Variants in MESD observed in about 807,000 individuals in gnomAD.
The protein encoded by MESD is mesoderm development LRP chaperone.
A neutral mutation model predicts 12.9 loss-of-function variants in MESD; 7 were observed. The observed-to-expected ratio is 0.54, with a 90% CI of 0.31 to 1.02. The LOEUF is 1.02. MESD is among the 50% of genes least tolerant of loss of function. The pLI is 0.05. For synonymous variants in MESD, 126 were observed against 115.6 expected, an observed-to-expected ratio of 1.09 and a Z score of -0.58; for missense variants, 342 against 296.7, an observed-to-expected ratio of 1.15 and a Z score of -1.12.
At position 80,989,647 on chromosome 15, in the gene MESD, G is replaced by A; in HGVS notation, c.145C>T (p.Arg49Trp). ...GTPDESTPPP[R>W]KKKKDIRDYN... ...TCGCGAATATCCTTCTTCTTCTTCC[G>A]GGGAGGTGGGGTAGACTCGTCGGGC... is the stretch of plus-strand genomic sequence containing the variant. The change falls in exon 1 of 3, where the codon CGG (arginine) becomes TGG (tryptophan). Residue 49 changes from arginine (R) to tryptophan (W), a missense_variant. Transcript: ENST00000261758. The A allele has an allele frequency of 6.2e-7, 1 of 1,613,928 alleles. No individual in the cohort carries two copies. The highest frequency in any genetic ancestry group is 8.5e-7 in the Non-Finnish European group (1 of 1,180,012).
intron 1 of MESD, among the ~76,000 whole-genome samples, chr15:80,984,110 AG>A (rs1902662542): frequency 6.6e-6 from 1 of 152,126 alleles, no homozygotes; most frequent in Non-Finnish European, 1.5e-5. Flanking sequence ...CATGTTGCCC[AG>A]GATGGTCTCG....
At chr15:80,953,278 A>G (rs1901888977) in intron 3 of MESD, among the ~76,000 whole-genome samples, 1 of 152,164 alleles carries the variant, frequency 6.6e-6, no homozygotes, top group African/African-American at 2.4e-5. Flanking sequence ...TGTGAAAGAG[A>G]GCACAGCCCA....
At chr15:80,987,883 G>A (rs1017991695) in intron 1 of MESD, among the ~76,000 whole-genome samples, 3 of 152,148 alleles carry the variant, frequency 2.0e-5, no homozygotes, top group African/African-American at 7.2e-5. Context: ...CCAACACTTT[G>A]GGAAGCCAAG....
chr15:80,989,811 G>T lies in MESD; in HGVS notation c.-20C>A. ...CGCCATTTTCGCTGCGCCGCGCAGC[G>T]CCCTAGACGCGCTTACCCGACCTGC... On this transcript the variant is annotated 5_prime_UTR_variant, in exon 1 of 3. Coordinates refer to ENST00000261758, the MANE Select transcript of MESD (RefSeq NM_015154.3). 1.3e-6 allele frequency: 2 copies of T among 1,546,090 alleles called. No homozygotes were observed. The highest frequency in any genetic ancestry group is 1.7e-6 in the Non-Finnish European group (2 of 1,151,960).
At chr15:80,960,630 C>G (rs957257748) in intron 3 of MESD, among the ~76,000 whole-genome samples, 2 of 152,148 alleles carry the variant, frequency 1.3e-5, no homozygotes, top group African/African-American at 4.8e-5. Flanking sequence ...ATGAGGAACG[C>G]TTTCTTAAAC....
chr15:80,986,436 G>A (rs1289747283), intron 1 of MESD, among the ~76,000 whole-genome samples: 1 of 152,168 alleles, frequency 6.6e-6, no homozygotes. Context: ...ACAAAGAAAT[G>A]ATTAATGTTT....
chr15:80,987,462 T>C (rs1352839526), intron 1 of MESD, among the ~76,000 whole-genome samples: 2 of 151,666 alleles, frequency 1.3e-5, no homozygotes. Flanking sequence ...AAGTAGCTAG[T>C]GAGGGGTAAA....
downstream of MESD, chr15:80,946,865 C>T (rs1596215068): frequency 2.5e-6 from 2 of 788,784 alleles, no homozygotes; most frequent in Non-Finnish European, 4.4e-6. Flanking sequence ...CTGGGCACTG[C>T]TAACTCCAGT....
downstream of MESD, among the ~76,000 whole-genome samples, chr15:80,972,534 C>T (rs1902310246): frequency 6.6e-6 from 1 of 152,174 alleles, no homozygotes; most frequent in African/African-American, 2.4e-5. Context: ...GGTAGAAGTA[C>T]ATGCTCCTAG....
chr15:80,959,168 G>A (rs1902041333), intron 3 of MESD, among the ~76,000 whole-genome samples: 1 of 152,242 alleles, frequency 6.6e-6, no homozygotes, highest in Non-Finnish European at 1.5e-5. Context: ...TCCAGCTGCT[G>A]TTGGAGTTGG....
intron 3 of MESD, chr15:80,952,889 G>A (rs1436288397): frequency 2.2e-6 from 1 of 448,914 alleles, no homozygotes; most frequent in African/African-American, 2.0e-5. Flanking sequence ...GCCAGGCACG[G>A]TGCACACAGA....
At position 80,977,081 on chromosome 15, in the gene MESD, C is replaced by T; in HGVS notation, c.*2138G>A. On this transcript the variant is annotated 3_prime_UTR_variant, in exon 3 of 3. Coordinates refer to ENST00000261758, the MANE Select transcript of MESD (RefSeq NM_015154.3). ...ATGTGCTACGCTCCTCCAACCTGGG[C>T]CTGCACTGGGCCCCAGCCTCCCCGC... 6.5e-6 allele frequency: 1 copy of T among 154,108 alleles called. No individual in the cohort carries two copies. The highest frequency in any genetic ancestry group is 1.4e-5 in the Non-Finnish European group (1 of 69,354). The allele number at this position is 154,108 out of a possible 1,614,324, so 9.5% of individuals were successfully genotyped here.
At chr15:80,986,231 G>A in intron 1 of MESD, among the ~76,000 whole-genome samples, 1 of 152,168 alleles carries the variant, frequency 6.6e-6, no homozygotes, top group Non-Finnish European at 1.5e-5. Flanking sequence ...TCACATAAGT[G>A]GAGATTAGAA....
chr15:80,967,859 A>T (rs77519341), intron 3 of MESD, among the ~76,000 whole-genome samples: 1 of 152,200 alleles, frequency 6.6e-6, no homozygotes, highest in Non-Finnish European at 1.5e-5. Flanking sequence ...TAAAATTGCA[A>T]GTTGGGCTGC....
rs375875561 is a variant in MESD, at chr15:80,979,705, T to C, written c.447-228A>G. Reference sequence around the variant, plus strand: ...TCAAAATAGAAACAGACACTGGATGTTCCTTTGTTGTATAAATGGATGCCC... The same window carrying C: ...TCAAAATAGAAACAGACACTGGATGCTCCTTTGTTGTATAAATGGATGCCC... On this transcript the variant is annotated intron_variant, in intron 2 of 2. Transcript: ENST00000261758. Among the ~76,000 whole-genome samples the C allele has an allele frequency of 9.2e-5, 14 of 152,336 alleles. No homozygotes were observed. The South Asian group carries it at 2.3e-3, about 25-fold the overall frequency.
intron 3 of MESD, among the ~76,000 whole-genome samples, chr15:80,968,655 A>AAAAT (rs151283255): frequency 0.078 from 11,796 of 152,138 alleles, 645 homozygotes; most frequent in Middle Eastern, 0.18. Context: ...CTTTAAAAAT[A>AAAAT]AAATAAAAAA....
At chr15:80,972,432 T>A (rs1002272463), downstream of MESD, among the ~76,000 whole-genome samples, 3 of 152,206 alleles carry the variant, frequency 2.0e-5, no homozygotes, top group African/African-American at 7.2e-5. Context: ...CTGGGTCAGA[T>A]GCCCACCTCT....
At chr15:80,957,355 G>A (rs551458123) in intron 3 of MESD, among the ~76,000 whole-genome samples, 2 of 152,294 alleles carry the variant, frequency 1.3e-5, no homozygotes, top group South Asian at 4.1e-4. Context: ...GTAAAGAGGA[G>A]TCCAGCCACA....
chr15:80,988,727 AC>A (rs1488272366), intron 1 of MESD, among the ~76,000 whole-genome samples: 3 of 152,178 alleles, frequency 2.0e-5, no homozygotes, highest in Non-Finnish European at 4.4e-5. Context: ...GAATCTTAGG[AC>A]CCATCCTAAC....
Sources: gnomAD v4.1 joint callset for allele counts (sites outside exome capture counted in the v4.1 genomes callset) on GRCh38, gnomAD v4.1.1 for gene constraint, MANE v1.5 for transcripts, NCBI Gene and HGNC (gene_info 2026-07-23, HGNC 2026-07-21) for gene names.